CCDC178: variants seen among roughly 807,000 people sequenced by gnomAD.
The protein encoded by CCDC178 is coiled-coil domain-containing protein 178.
Under a neutral mutation model 117.4 loss-of-function variants are expected in CCDC178, and 126 were observed. The ratio of observed to expected loss-of-function variants is 1.07; its 90% CI spans 0.93 to 1.24. The LOEUF (loss-of-function observed/expected upper bound fraction) is 1.24, where lower values mean the gene tolerates loss of function less well. Among genes scored for constraint, CCDC178 ranks in the 50% most tolerant of loss-of-function variants. The pLI, the probability that CCDC178 is intolerant of heterozygous loss-of-function variation, is 0.00. For missense variants in CCDC178, 1,030 were observed against 986.9 expected (o/e 1.04, Z -0.59); for synonymous variants, 283 against 313.4 (o/e 0.90, Z 1.02).
intron 2 of CCDC178, among the ~76,000 whole-genome samples, chr18:33,428,213 T>C (rs1457168255): frequency 6.6e-6 from 1 of 152,136 alleles, no homozygotes; most frequent in African/African-American, 2.4e-5. Context: ...TATAAGAAAA[T>C]AATGAGACAA....
chr18:33,070,303 A>C (rs766183505), intron 21 of CCDC178, among the ~76,000 whole-genome samples: 1 of 151,942 alleles, frequency 6.6e-6, no homozygotes, highest in Non-Finnish European at 1.5e-5. Context: ...TGAATGAATA[A>C]AAAATGCGGA....
intron 10 of CCDC178, among the ~76,000 whole-genome samples, chr18:33,326,447 G>T (rs2062586136): frequency 6.6e-6 from 1 of 152,174 alleles, no homozygotes; most frequent in African/African-American, 2.4e-5. Flanking sequence ...ACAACACACT[G>T]TGTACTCTAA....
rs557495391 is a variant in CCDC178 at position 33,269,521 on chromosome 18, C to T, written c.1177-2224G>A. ...AAACTACGGCAACGTTGGCAACTGC[C>T]TGGTTGTTTATTAAAGGTGAACCTA... On this transcript the variant is annotated intron_variant, in intron 12 of 22. Transcript: ENST00000383096. Among the ~76,000 whole-genome samples, 58 of 151,918 alleles carry T rather than the reference C, an allele frequency of 3.8e-4. 2 individuals are homozygous for T. The highest frequency in any genetic ancestry group is 2.9e-3 in the South Asian group (14 of 4,826).
At chr18:33,404,397 T>A (rs1301160298) in intron 3 of CCDC178, among the ~76,000 whole-genome samples, 1 of 150,528 alleles carries the variant, frequency 6.6e-6, no homozygotes, top group Non-Finnish European at 1.5e-5. Context: ...ATAAGTGAAA[T>A]GTCACTTCAC....
At chr18:33,325,331 C>T (rs1466065686) in intron 10 of CCDC178, among the ~76,000 whole-genome samples, 2 of 151,884 alleles carry the variant, frequency 1.3e-5, no homozygotes, top group Non-Finnish European at 2.9e-5. Flanking sequence ...CCTAGATTTT[C>T]TGCTGTTAAA....
At chr18:33,284,380 T>C (rs1487591569) in intron 12 of CCDC178, among the ~76,000 whole-genome samples, 3 of 152,120 alleles carry the variant, frequency 2.0e-5, no homozygotes, top group African/African-American at 4.8e-5. Flanking sequence ...TACACACGTA[T>C]CCCTGAACTT....
chr18:33,336,561 T>G (rs1017237591), intron 9 of CCDC178, among the ~76,000 whole-genome samples: 21 of 152,110 alleles, frequency 1.4e-4, no homozygotes, highest in African/African-American at 4.8e-4. Context: ...TACTGGTTTA[T>G]TTTCTGAATT....
At chr18:33,038,801 T>C (rs1041022682) in intron 21 of CCDC178, among the ~76,000 whole-genome samples, 1 of 151,948 alleles carries the variant, frequency 6.6e-6, no homozygotes, top group Non-Finnish European at 1.5e-5. Flanking sequence ...GAAGTGACAA[T>C]AGGACTCCCA....
chr18:33,035,330 G>A (rs762026368), intron 21 of CCDC178, among the ~76,000 whole-genome samples: 8 of 151,968 alleles, frequency 5.3e-5, no homozygotes, highest in Non-Finnish European at 8.8e-5. Context: ...TGGCCAAACA[G>A]AAGGGAGAGT....
At chr18:33,103,818 T>A (rs1329125594) in intron 20 of CCDC178, among the ~76,000 whole-genome samples, 2 of 151,792 alleles carry the variant, frequency 1.3e-5, no homozygotes, top group African/African-American at 4.8e-5. Flanking sequence ...ATTAATTTCA[T>A]GTTGCTGAGC....
chr18:33,318,787 G>A (rs1372673995), intron 11 of CCDC178, among the ~76,000 whole-genome samples: 1 of 151,824 alleles, frequency 6.6e-6, no homozygotes, highest in Non-Finnish European at 1.5e-5. Flanking sequence ...AACAGCCAAA[G>A]GAAAAAATAT....
intron 12 of CCDC178, among the ~76,000 whole-genome samples, chr18:33,270,679 A>T (rs919322966): frequency 9.9e-5 from 15 of 151,640 alleles, no homozygotes; most frequent in African/African-American, 3.6e-4. Context: ...ACATTCCCAG[A>T]TAATCAAATA....
At chr18:33,079,848 A>G (rs764156500) in intron 21 of CCDC178, among the ~76,000 whole-genome samples, 22 of 152,218 alleles carry the variant, frequency 1.4e-4, no homozygotes, top group Non-Finnish European at 3.2e-4. Context: ...TAGTTCAACT[A>G]TTGTGGAAAG....
intron 22 of CCDC178, among the ~76,000 whole-genome samples, chr18:32,941,587 T>C (rs932233228): frequency 6.6e-6 from 1 of 152,122 alleles, no homozygotes; most frequent in Non-Finnish European, 1.5e-5. Context: ...AATTAAGTTA[T>C]AAAAAAGACT....
chr18:33,219,871 A>G (rs2059210271), intron 18 of CCDC178, among the ~76,000 whole-genome samples: 1 of 152,048 alleles, frequency 6.6e-6, no homozygotes. Context: ...ACATGTATAC[A>G]TAAACAAACC....
At chr18:33,356,547 G>T (rs1450935120) in intron 6 of CCDC178, among the ~76,000 whole-genome samples, 1 of 151,600 alleles carries the variant, frequency 6.6e-6, no homozygotes, top group Non-Finnish European at 1.5e-5. Flanking sequence ...CCAACTCTTG[G>T]CCAAGGGGAC....
At chr18:33,246,456 A>C (rs1423547795) in intron 14 of CCDC178, among the ~76,000 whole-genome samples, 1 of 151,788 alleles carries the variant, frequency 6.6e-6, no homozygotes, top group Non-Finnish European at 1.5e-5. Context: ...CAGAACACAG[A>C]GAAGATTGAA....
At chr18:33,428,144 GA>G (rs1168284767) in intron 2 of CCDC178, among the ~76,000 whole-genome samples, 1 of 152,104 alleles carries the variant, frequency 6.6e-6, no homozygotes, top group Non-Finnish European at 1.5e-5. Flanking sequence ...CTATTTTTAA[GA>G]ATGTCAATAA....
At chr18:33,429,684 T>C (rs1265712272) in intron 2 of CCDC178, among the ~76,000 whole-genome samples, 1 of 152,158 alleles carries the variant, frequency 6.6e-6, no homozygotes, top group Admixed American at 6.5e-5. Flanking sequence ...ACTTTCCTAA[T>C]GAAATAACAA....
Sources: allele counts gnomAD v4.1 joint callset (sites outside exome capture counted in the v4.1 genomes callset), GRCh38; gene constraint gnomAD v4.1.1; transcripts MANE v1.5; gene names NCBI Gene and HGNC (gene_info 2026-07-23, HGNC 2026-07-21).